Variants in EHBP1 observed in about 807,000 individuals in gnomAD.
EHBP1 encodes EH domain binding protein 1, also known as EH domain-binding protein 1.
Under a neutral mutation model 144.0 loss-of-function variants are expected in EHBP1, and 55 were observed. That is an observed-to-expected ratio of 0.38 (90% CI 0.31 to 0.48). EHBP1 has a LOEUF of 0.48. EHBP1 is among the 20% of genes least tolerant of loss of function. The probability of loss-of-function intolerance (pLI) is 0.98; values close to 1 mark genes in which losing one functional copy is unlikely to be tolerated. For missense variants in EHBP1, 1,200 were observed against 1,364.2 expected, an observed-to-expected ratio of 0.88 and a Z score of 1.90; for synonymous variants, 469 against 472.7, an observed-to-expected ratio of 0.99 and a Z score of 0.10.
intron 3 of EHBP1, among the ~76,000 whole-genome samples, chr2:62,747,954 G>C (rs569429323): frequency 6.6e-6 from 1 of 151,950 alleles, no homozygotes; most frequent in African/African-American, 2.4e-5. Context: ...ACCAGATGCC[G>C]ATGCCTTGAT....
In EHBP1 at chr2:62,942,743, T is replaced by G. The variant is rs1405077793; in HGVS notation, c.1211T>G (p.Leu404Trp). The change falls in exon 11 of 23, where the codon TTG becomes TGG. Residue 404 changes from leucine to tryptophan, a missense_variant. Transcript: ENST00000431489. The part of the protein sequence containing the change: ...PKPSPIPSPV[L>W]GRKPNASQSL... ...CCAAGCCCTATACCAAGTCCTGTTTTGGGGCGAAAGCCAAATGCTAGTCAG... is the reference window on the plus strand; with the variant it reads ...CCAAGCCCTATACCAAGTCCTGTTTGGGGGCGAAAGCCAAATGCTAGTCAG... The G allele has an allele frequency of 1.2e-6, 2 of 1,610,198 alleles. No individual in the cohort carries two copies. The highest frequency in any genetic ancestry group is 1.3e-5 in the African/African-American group (1 of 74,994).
rs562187867 is a variant in EHBP1, at chr2:62,908,115, A to T, written c.1185+33583A>T. Among the ~76,000 whole-genome samples the T allele has an allele frequency of 4.6e-5, 7 of 152,328 alleles. No homozygotes were observed. In the East Asian group the frequency reaches 1.4e-3, roughly 29 times the overall value. The stretch of plus-strand genomic sequence containing the variant: ...TTCCTTTGGGGTAAAGTTTTCAGCT[A>T]CTAGTTAAATTTCTATAATAGCGGT... On this transcript the variant is annotated intron_variant, in intron 10 of 22. Transcript: ENST00000431489.
At chr2:62,879,546 A>AACACAC (rs70962798) in intron 10 of EHBP1, among the ~76,000 whole-genome samples, 6,036 of 133,682 alleles carry the variant, frequency 0.045, 161 homozygotes, top group East Asian at 0.076. Flanking sequence ...TATTCACAAT[A>AACACAC]ACACACACAC....
chr2:62,908,103 A>T (rs1319294038), intron 10 of EHBP1, among the ~76,000 whole-genome samples: 1 of 152,152 alleles, frequency 6.6e-6, no homozygotes, highest in African/African-American at 2.4e-5. Context: ...CTTTGGGGTA[A>T]AGTTTTCAGC....
chr2:62,915,994 T>G (rs2054585191), intron 10 of EHBP1, among the ~76,000 whole-genome samples: 1 of 152,144 alleles, frequency 6.6e-6, no homozygotes, highest in South Asian at 2.1e-4. Context: ...TTCACTAAAA[T>G]GTATTCTAGG....
chr2:62,764,635 GCCT>G (rs2041034353), intron 4 of EHBP1, among the ~76,000 whole-genome samples: 2 of 152,016 alleles, frequency 1.3e-5, no homozygotes, highest in African/African-American at 2.4e-5. Context: ...ACTGTAAAAT[GCCT>G]TCCCTGTGGA....
At chr2:62,985,145 G>C (rs1298007766) in intron 15 of EHBP1, among the ~76,000 whole-genome samples, 3 of 152,188 alleles carry the variant, frequency 2.0e-5, no homozygotes, top group East Asian at 1.9e-4. Context: ...GTGCTTGCCT[G>C]GGGGTTATAA....
chr2:62,824,003 T>A (rs1001282205), intron 5 of EHBP1, among the ~76,000 whole-genome samples: 1 of 152,056 alleles, frequency 6.6e-6, no homozygotes, highest in Non-Finnish European at 1.5e-5. Flanking sequence ...ATTTGGTAGC[T>A]TTTATTACCT....
In EHBP1 at chr2:63,020,111, G is replaced by A. The variant is rs145330816; in HGVS notation, c.3104-17424G>A. ...GAGGCCAAGGCAAGCAGATCACGAG[G>A]TCAGGAGTTTGAGACCAGCGTGGTC... is the stretch of plus-strand genomic sequence containing the variant. On this transcript the variant is annotated intron_variant, in intron 19 of 22. Coordinates refer to ENST00000431489, the MANE Select transcript of EHBP1 (RefSeq NM_001142616.3). Among the ~76,000 whole-genome samples, 290 of 152,012 alleles carry A rather than the reference G, an allele frequency of 1.9e-3. 1 individual carries two copies. The highest frequency in any genetic ancestry group is 6.6e-3 in the African/African-American group (275 of 41,472).
Position 62,876,235 on chromosome 2 carries a change from G to A in EHBP1, c.1185+1703G>A, listed in dbSNP as rs146923373. 1.8e-3 allele frequency among the ~76,000 whole-genome samples: 271 copies of A among 152,016 alleles called. 2 individuals are homozygous for A. Among genetic ancestry groups the A allele is most frequent in the African/African-American group, 6.2e-3 (257 of 41,478 alleles). ...AAAAATAGTAAAGGCAGAGAGAAAG[G>A]GCATGTCACCTTTACAGGAACTCCA... On this transcript the variant is annotated intron_variant, in intron 10 of 22. Transcript: ENST00000431489.
intron 5 of EHBP1, among the ~76,000 whole-genome samples, chr2:62,780,375 G>A (rs1371102807): frequency 6.6e-6 from 1 of 151,908 alleles, no homozygotes; most frequent in East Asian, 1.9e-4. Flanking sequence ...TAAATTAGGC[G>A]GGGTATAATA....
At chr2:62,940,743 T>C (rs762239684) in intron 10 of EHBP1, among the ~76,000 whole-genome samples, 40 of 152,318 alleles carry the variant, frequency 2.6e-4, no homozygotes, top group Middle Eastern at 3.4e-3. Context: ...GTTTCTTCAA[T>C]TGCATGTGAC....
chr2:62,901,223 T>C (rs2053384703), intron 10 of EHBP1, among the ~76,000 whole-genome samples: 1 of 152,222 alleles, frequency 6.6e-6, no homozygotes. Context: ...AAAATAATTA[T>C]CTTCACCTCA....
intron 1 of EHBP1, among the ~76,000 whole-genome samples, chr2:62,687,811 A>G (rs2033768710): frequency 6.6e-6 from 1 of 152,202 alleles, no homozygotes; most frequent in African/African-American, 2.4e-5. Context: ...GACAAGAGTT[A>G]GTGTGTCCTT....
chr2:62,978,585 C>A (rs961875227), intron 14 of EHBP1, among the ~76,000 whole-genome samples: 1 of 152,146 alleles, frequency 6.6e-6, no homozygotes, highest in African/African-American at 2.4e-5. Flanking sequence ...TTTAATTTTT[C>A]TTCTCAGTAT....
chr2:62,899,773 TC>T (rs1374081095), intron 10 of EHBP1, among the ~76,000 whole-genome samples: 9 of 152,220 alleles, frequency 5.9e-5, no homozygotes, highest in African/African-American at 1.9e-4. Context: ...ACTCATTACT[TC>T]AAAGACGTCT....
intron 2 of EHBP1, among the ~76,000 whole-genome samples, chr2:62,725,443 A>G (rs912955007): frequency 6.6e-6 from 1 of 152,176 alleles, no homozygotes; most frequent in African/African-American, 2.4e-5. Context: ...GCAACTGTGC[A>G]TGCCGTCATG....
intron 7 of EHBP1, among the ~76,000 whole-genome samples, chr2:62,839,191 G>A (rs1261276795): frequency 2.6e-5 from 4 of 151,806 alleles, no homozygotes; most frequent in South Asian, 2.1e-4. Flanking sequence ...TTCAATATAC[G>A]CAAATCAATA....
chr2:62,884,110 C>T (rs1390445763), intron 10 of EHBP1, among the ~76,000 whole-genome samples: 4 of 152,150 alleles, frequency 2.6e-5, no homozygotes, highest in African/African-American at 9.7e-5. Flanking sequence ...TGCCTATGCA[C>T]ATAGACATAT....
Sources: allele counts gnomAD v4.1 joint callset (sites outside exome capture counted in the v4.1 genomes callset), GRCh38; gene constraint gnomAD v4.1.1; transcripts MANE v1.5; gene names NCBI Gene and HGNC (gene_info 2026-07-23, HGNC 2026-07-21).